The following NELL1 variants were observed in gnomAD, a reference collection of about 807,000 sequenced individuals.
NELL1 encodes protein kinase C-binding protein NELL1.
NELL1 carries 76 observed loss-of-function variants against 107.4 expected under a neutral mutation model. The observed-to-expected ratio is 0.71, with a 90% CI of 0.59 to 0.86. The LOEUF (loss-of-function observed/expected upper bound fraction) is 0.86, where lower values mean the gene tolerates loss of function less well. Among genes scored for constraint, NELL1 ranks in the 40% least tolerant of loss-of-function variants. The pLI is 0.00. For missense variants in NELL1, 1,024 were observed against 1,005.5 expected (o/e 1.02, Z -0.25); for synonymous variants, 353 against 341.2 (o/e 1.03, Z -0.38).
At chr11:21,116,391 A>G (rs575010807) in intron 13 of NELL1, among the ~76,000 whole-genome samples, 2 of 152,070 alleles carry the variant, frequency 1.3e-5, no homozygotes, top group Admixed American at 6.6e-5. Flanking sequence ...GCCTTCATCA[A>G]TCTTAGAGCT....
At chr11:20,694,705 G>A (rs1399159128) in intron 2 of NELL1, among the ~76,000 whole-genome samples, 1 of 152,040 alleles carries the variant, frequency 6.6e-6, no homozygotes. Context: ...AGAAAATATA[G>A]AAGTGGGGTA....
chr11:20,984,964 C>G (rs946575161), intron 12 of NELL1, among the ~76,000 whole-genome samples: 6 of 152,162 alleles, frequency 3.9e-5, no homozygotes, highest in Admixed American at 2.0e-4. Flanking sequence ...TTAGTGGTTT[C>G]CTCTCAGTTA....
chr11:20,938,166 G>C (rs1158989987), intron 10 of NELL1, among the ~76,000 whole-genome samples: 1 of 152,144 alleles, frequency 6.6e-6, no homozygotes, highest in Non-Finnish European at 1.5e-5. Flanking sequence ...AGGGTTTTGA[G>C]TTGGTATTAG....
intron 14 of NELL1, among the ~76,000 whole-genome samples, chr11:21,232,147 T>TTA (rs1858069697): frequency 2.1e-4 from 19 of 90,502 alleles, no homozygotes; most frequent in Non-Finnish European, 3.1e-4. Flanking sequence ...TAAAAAAAAA[T>TTA]AAAAAAAAAA....
intron 12 of NELL1, among the ~76,000 whole-genome samples, chr11:21,012,869 T>C (rs1040153800): frequency 5.3e-5 from 8 of 152,146 alleles, no homozygotes; most frequent in Non-Finnish European, 8.8e-5. Flanking sequence ...CAAACACCAA[T>C]CTTAGGCTTT....
chr11:20,909,924 T>A (rs1452828570), intron 5 of NELL1, among the ~76,000 whole-genome samples: 1 of 152,174 alleles, frequency 6.6e-6, no homozygotes, highest in Non-Finnish European at 1.5e-5. Context: ...TCCGTCACCA[T>A]TACTGCATAT....
chr11:21,465,407 A>G (rs1454037501), intron 15 of NELL1, among the ~76,000 whole-genome samples: 1 of 152,098 alleles, frequency 6.6e-6, no homozygotes, highest in Non-Finnish European at 1.5e-5. Context: ...TTACTATGCA[A>G]CCTGCTAATA....
At chr11:21,125,872 G>C (rs1855475851) in intron 13 of NELL1, among the ~76,000 whole-genome samples, 1 of 152,180 alleles carries the variant, frequency 6.6e-6, no homozygotes, top group African/African-American at 2.4e-5. Flanking sequence ...AGCCAGGCCT[G>C]GGTTTCTGCC....
chr11:21,256,402 G>T (rs1858769483), intron 14 of NELL1, among the ~76,000 whole-genome samples: 1 of 152,050 alleles, frequency 6.6e-6, no homozygotes, highest in Non-Finnish European at 1.5e-5. Flanking sequence ...AAGCCAGGTA[G>T]AAAACAAATC....
intron 13 of NELL1, among the ~76,000 whole-genome samples, chr11:21,228,364 G>A (rs1003275836): frequency 2.0e-5 from 3 of 152,056 alleles, no homozygotes; most frequent in African/African-American, 7.2e-5. Flanking sequence ...ACAGCTATCT[G>A]AATATATATA....
At chr11:20,898,459 T>C (rs773330084) in intron 5 of NELL1, among the ~76,000 whole-genome samples, 74 of 152,066 alleles carry the variant, frequency 4.9e-4, no homozygotes, top group Non-Finnish European at 9.1e-4. Context: ...TTAGGAGATA[T>C]ACCTAATGTT....
chr11:20,987,839 T>C (rs1851883776), intron 12 of NELL1, among the ~76,000 whole-genome samples: 1 of 152,164 alleles, frequency 6.6e-6, no homozygotes, highest in Admixed American at 6.5e-5. Context: ...ACATAAAGGA[T>C]TGAAACAATG....
intron 12 of NELL1, among the ~76,000 whole-genome samples, chr11:21,106,322 A>G (rs1854968225): frequency 1.3e-5 from 2 of 152,086 alleles, no homozygotes. Flanking sequence ...CATCTGTAAC[A>G]TGAGGATGAT....
At chr11:21,457,694 G>A (rs1853782145) in intron 15 of NELL1, among the ~76,000 whole-genome samples, 1 of 152,120 alleles carries the variant, frequency 6.6e-6, no homozygotes, top group African/African-American at 2.4e-5. Flanking sequence ...CTAAAATAGA[G>A]TTTGGAGATT....
intron 14 of NELL1, among the ~76,000 whole-genome samples, chr11:21,334,152 C>T (rs1017900404): frequency 1.1e-4 from 16 of 151,900 alleles, no homozygotes; most frequent in African/African-American, 3.6e-4. Flanking sequence ...CTTCAAGGAA[C>T]GTGTGTAGAA....
rs148817722 is a variant in NELL1 at position 21,388,376 on chromosome 11, G to T, written c.1645+17428G>T. On this transcript the variant is annotated intron_variant, in intron 15 of 19. Coordinates refer to ENST00000357134, the MANE Select transcript of NELL1 (RefSeq NM_006157.5). Reference sequence around the variant, plus strand: ...TTAGAGAAAGTCTAATTAGCAAACAGTAGGTAATATAAATTAGTAGGTAGT... The same window carrying T: ...TTAGAGAAAGTCTAATTAGCAAACATTAGGTAATATAAATTAGTAGGTAGT... 4.5e-4 allele frequency among the ~76,000 whole-genome samples: 69 copies of T among 151,950 alleles called. 1 individual carries two copies. The East Asian group carries it at 0.013, about 29-fold the overall frequency.
intron 2 of NELL1, among the ~76,000 whole-genome samples, chr11:20,695,036 T>G (rs1037913977): frequency 1.3e-5 from 2 of 152,056 alleles, no homozygotes; most frequent in Non-Finnish European, 2.9e-5. Context: ...TTCTAGGTAT[T>G]TTATTTTTTT....
chr11:21,027,148 A>C (rs771478268), intron 12 of NELL1, among the ~76,000 whole-genome samples: 9 of 152,174 alleles, frequency 5.9e-5, no homozygotes, highest in African/African-American at 4.8e-5. Flanking sequence ...AATTTATATG[A>C]AAAGTGCTAA....
At chr11:20,863,596 C>T (rs552610082) in intron 4 of NELL1, among the ~76,000 whole-genome samples, 11 of 150,090 alleles carry the variant, frequency 7.3e-5, no homozygotes, top group Middle Eastern at 3.5e-3. Context: ...GGATGGCGGC[C>T]GGGAAGAGGC....
Sources: allele counts gnomAD v4.1 joint callset (sites outside exome capture counted in the v4.1 genomes callset), GRCh38; gene constraint gnomAD v4.1.1; transcripts MANE v1.5; gene names NCBI Gene and HGNC (gene_info 2026-07-23, HGNC 2026-07-21).